The following MTA3 variants were observed in gnomAD, a reference collection of about 807,000 sequenced individuals.
MTA3 encodes metastasis associated 1 family member 3.
MTA3 carries 34 observed loss-of-function variants against 83.5 expected under a neutral mutation model. The observed-to-expected ratio is 0.41, with a 90% confidence interval of 0.31 to 0.54. The LOEUF (loss-of-function observed/expected upper bound fraction) is 0.54, where lower values mean the gene tolerates loss of function less well. Among genes scored for constraint, MTA3 ranks in the 20% least tolerant of loss-of-function variants. The pLI is 0.33. For missense variants in MTA3, 761 were observed against 726.4 expected (o/e 1.05, Z -0.55); for synonymous variants, 303 against 252.7 (o/e 1.20, Z -1.89).
intron 2 of MTA3, among the ~76,000 whole-genome samples, chr2:42,548,846 A>T (rs956098900): frequency 0.015 from 221 of 14,956 alleles, 19 homozygotes; most frequent in Non-Finnish European, 0.02. Flanking sequence ...ATATATATAT[A>T]ATATATATAT....
chr2:42,684,809 A>C (rs1692227131), intron 9 of MTA3, among the ~76,000 whole-genome samples: 4 of 152,216 alleles, frequency 2.6e-5, no homozygotes, highest in African/African-American at 4.8e-5. Context: ...CCAGGCTTGC[A>C]AAAAGGCACT....
intron 2 of MTA3, among the ~76,000 whole-genome samples, chr2:42,556,524 CATAA>C (rs1677400453): frequency 6.6e-6 from 1 of 152,232 alleles, no homozygotes; most frequent in African/African-American, 2.4e-5. Context: ...ACACCAGCAT[CATAA>C]ATAATGCATC....
At position 42,649,188 on chromosome 2, in the gene MTA3, A is replaced by G. The variant is rs546252885; in HGVS notation, c.499+4944A>G. Among the ~76,000 whole-genome samples the G allele has an allele frequency of 2.5e-3, 388 of 152,264 alleles. 1 individual carries two copies. Among genetic ancestry groups the G allele is most frequent in the Non-Finnish European group, 4.4e-3 (299 of 68,006 alleles). On this transcript the variant is annotated intron_variant, in intron 6 of 16. Coordinates refer to ENST00000405094, the MANE Select transcript of MTA3 (RefSeq NM_001330442.2). Reference sequence around the variant, plus strand: ...GGCCGGCAGATCATTTGAGGTCAGGAGTTCGAGACCAGTTTGACCAACCAC... The same window carrying G: ...GGCCGGCAGATCATTTGAGGTCAGGGGTTCGAGACCAGTTTGACCAACCAC...
intron 8 of MTA3, among the ~76,000 whole-genome samples, chr2:42,678,600 A>T (rs1262917407): frequency 6.6e-6 from 1 of 152,180 alleles, no homozygotes; most frequent in African/African-American, 2.4e-5. Context: ...AAGTGCTGGG[A>T]TTACAGGTGT....
At chr2:42,709,191 A>G in intron 14 of MTA3, 95 bp downstream of exon 14, 2 of 1,482,680 alleles carry the variant, frequency 1.3e-6, no homozygotes, top group South Asian at 1.4e-5. Context: ...TTTGTTTGCA[A>G]TAAACATAAG....
Position 42,511,198 on chromosome 2 carries a change from G to A in MTA3, c.-141+15944G>A, listed in dbSNP as rs183677566. Among the ~76,000 whole-genome samples, 30 of 152,152 alleles carry A rather than the reference G, an allele frequency of 2.0e-4. 1 individual carries two copies. The East Asian group carries it at 4.6e-3, about 23-fold the overall frequency. On this transcript the variant is annotated intron_variant, in intron 2 of 17. Coordinates refer to the MTA3 transcript ENST00000405592. Reference sequence around the variant, plus strand: ...TCTCATTGTAGATGCAACCAAAATAGCATTGACTCCACACTTAATAATTGA... The same window carrying A: ...TCTCATTGTAGATGCAACCAAAATAACATTGACTCCACACTTAATAATTGA...
At chr2:42,521,131 T>A (rs1675410586) in intron 2 of MTA3, among the ~76,000 whole-genome samples, 1 of 152,200 alleles carries the variant, frequency 6.6e-6, no homozygotes, top group East Asian at 1.9e-4. Context: ...AGGGATGGGA[T>A]GTCACTTCCA....
chr2:42,511,108 C>T (rs1240458950), intron 2 of MTA3, among the ~76,000 whole-genome samples: 2 of 152,090 alleles, frequency 1.3e-5, no homozygotes, highest in African/African-American at 4.8e-5. Context: ...CTATTTCTGC[C>T]TTAGAGGAAA....
intron 2 of MTA3, among the ~76,000 whole-genome samples, chr2:42,529,651 T>C (rs1675867970): frequency 6.6e-6 from 1 of 152,214 alleles, no homozygotes; most frequent in Admixed American, 6.6e-5. Context: ...GGCATTTGGG[T>C]AGCAGCGGTG....
intron 4 of MTA3, among the ~76,000 whole-genome samples, chr2:42,623,105 G>A (rs1473692262): frequency 6.6e-6 from 1 of 152,158 alleles, no homozygotes; most frequent in African/African-American, 2.4e-5. Flanking sequence ...TATGGTGGGC[G>A]TGTCTTGCCA....
chr2:42,612,090 G>C (rs1172106337), intron 4 of MTA3, among the ~76,000 whole-genome samples: 1 of 152,066 alleles, frequency 6.6e-6, no homozygotes, highest in Non-Finnish European at 1.5e-5. Context: ...TCTTTTTATC[G>C]ACCAATAATG....
intron 2 of MTA3, among the ~76,000 whole-genome samples, chr2:42,537,224 C>T (rs553225735): frequency 1.3e-5 from 2 of 152,190 alleles, no homozygotes; most frequent in Admixed American, 6.6e-5. Context: ...TAAAAAACAA[C>T]CAGTCAAGTC....
chr2:42,577,100 AAAAAAATATATATAT>A (rs1227432324), intron 2 of MTA3, among the ~76,000 whole-genome samples: 6 of 72,874 alleles, frequency 8.2e-5, no homozygotes, highest in African/African-American at 3.5e-4. Context: ...CTAAAAAAAA[AAAAAAATATATATAT>A]ATATATATAT....
intron 16 of MTA3, 165 bp downstream of exon 16, chr2:42,723,200 C>A: frequency 1.2e-6 from 1 of 838,212 alleles, no homozygotes; most frequent in Non-Finnish European, 1.8e-6. Context: ...CACATTTTGC[C>A]AAGGGATAGT....
At chr2:42,606,649 A>G (rs943494138) in intron 3 of MTA3, among the ~76,000 whole-genome samples, 1 of 149,694 alleles carries the variant, frequency 6.7e-6, no homozygotes, top group African/African-American at 2.5e-5. Context: ...GCGGCCAGGC[A>G]GAGACACTCC....
Position 42,609,538 on chromosome 2 carries a change from C to G in MTA3, c.271C>G (p.Leu91Val), listed in dbSNP as rs1340077379. Residue 91 changes from leucine (L) to valine (V), a missense_variant, in exon 4 of 17, where the codon CTC becomes GTC. Transcript: ENST00000405094. ...KQKHQLKHRE[L>V]FLSRQYESLP... Reference sequence around the variant, plus strand: ...GAAACATCAGTTGAAACATAGGGAACTCTTTTTGTCACGCCAGTATGAATC... The same window carrying G: ...GAAACATCAGTTGAAACATAGGGAAGTCTTTTTGTCACGCCAGTATGAATC... 6.2e-7 allele frequency: 1 copy of G among 1,613,878 alleles called. No homozygotes were observed. The highest frequency in any genetic ancestry group is 1.7e-5 in the Admixed American group (1 of 60,000).
chr2:42,727,199 TAAAAAGAA>T (rs1382587112), intron 16 of MTA3, among the ~76,000 whole-genome samples: 3 of 151,962 alleles, frequency 2.0e-5, no homozygotes, highest in Admixed American at 2.0e-4. Context: ...TCCTGTCTCT[TAAAAAGAA>T]AGAAAGAAAG....
chr2:42,506,698 G>C (rs1255156634), intron 2 of MTA3, among the ~76,000 whole-genome samples: 1 of 151,830 alleles, frequency 6.6e-6, no homozygotes, highest in African/African-American at 2.4e-5. Flanking sequence ...CTGGAGTACA[G>C]TGGCATGATC....
At chr2:42,523,229 T>G (rs543815323) in intron 2 of MTA3, among the ~76,000 whole-genome samples, 1 of 152,254 alleles carries the variant, frequency 6.6e-6, no homozygotes, top group East Asian at 1.9e-4. Flanking sequence ...TGGGGTTGGA[T>G]AGCTAGATGC....
Sources: allele counts gnomAD v4.1 joint callset (sites outside exome capture counted in the v4.1 genomes callset), GRCh38; gene constraint gnomAD v4.1.1; transcripts MANE v1.5; gene names NCBI Gene and HGNC (gene_info 2026-07-23, HGNC 2026-07-21).